ANKRD31: variants seen among roughly 807,000 people sequenced by gnomAD.
The protein encoded by ANKRD31 is ankyrin repeat domain 31.
In ANKRD31, 147 loss-of-function variants were observed where a neutral mutation model predicts 186.0. That is an observed-to-expected ratio of 0.79 (90% confidence interval 0.69 to 0.91). The LOEUF is 0.91. Among genes scored for constraint, ANKRD31 ranks in the 40% least tolerant of loss-of-function variants. The probability of loss-of-function intolerance (pLI) is 0.00; values close to 1 mark genes in which losing one functional copy is unlikely to be tolerated. For missense variants in ANKRD31, 1,986 were observed against 2,148.8 expected (o/e 0.92, Z 1.50); for synonymous variants, 673 against 736.4 (o/e 0.91, Z 1.39).
intron 17 of ANKRD31, among the ~76,000 whole-genome samples, chr5:75,130,922 C>T (rs142704706): frequency 0.033 from 5,036 of 152,324 alleles, 125 homozygotes; most frequent in Non-Finnish European, 0.051. Flanking sequence ...AGAGGGAGCT[C>T]GTCCCACACA....
intron 22 of ANKRD31, among the ~76,000 whole-genome samples, chr5:75,102,207 C>T (rs543193996): frequency 6.6e-6 from 1 of 152,330 alleles, no homozygotes; most frequent in African/African-American, 2.4e-5. Context: ...ACTCCAGATC[C>T]TGTTTGCCTG....
chr5:75,081,718 C>CAT (rs149529586), intron 24 of ANKRD31, among the ~76,000 whole-genome samples: 1 of 136,400 alleles, frequency 7.3e-6, no homozygotes, highest in Non-Finnish European at 1.6e-5. Context: ...GAGAGAGAGA[C>CAT]AGAGAGAGAG....
At chr5:75,107,663 T>A in intron 20 of ANKRD31, 46 bp from the exon 21 acceptor site, 21 of 1,044,566 alleles carry the variant, frequency 2.0e-5, no homozygotes, top group Non-Finnish European at 2.8e-5. Flanking sequence ...GGAGAGTGAA[T>A]GTCAAATTTG....
At chr5:75,200,780 C>T (rs946789801) in intron 5 of ANKRD31, among the ~76,000 whole-genome samples, 2 of 151,562 alleles carry the variant, frequency 1.3e-5, no homozygotes, top group African/African-American at 4.8e-5. Context: ...AGCATGGTGG[C>T]ACACACCTGT....
chr5:75,159,973 G>A (rs578100731), intron 11 of ANKRD31, among the ~76,000 whole-genome samples: 109 of 152,080 alleles, frequency 7.2e-4, no homozygotes, highest in African/African-American at 2.6e-3. Context: ...GAATAAAGCT[G>A]AATTGGAGTA....
At chr5:75,185,953 G>C (rs1404185198) in intron 10 of ANKRD31, among the ~76,000 whole-genome samples, 1 of 152,154 alleles carries the variant, frequency 6.6e-6, no homozygotes, top group Non-Finnish European at 1.5e-5. Context: ...TGACTCAGTA[G>C]AGAAGAATTA....
At chr5:75,070,124 A>T (rs751967307) in intron 25 of ANKRD31, among the ~76,000 whole-genome samples, 75 of 152,284 alleles carry the variant, frequency 4.9e-4, no homozygotes, top group Non-Finnish European at 2.9e-4. Context: ...AAAGAATTTA[A>T]ACTTTTTTAC....
At chr5:75,180,953 A>G (rs1039044693) in intron 10 of ANKRD31, among the ~76,000 whole-genome samples, 7 of 152,148 alleles carry the variant, frequency 4.6e-5, no homozygotes, top group Non-Finnish European at 1.0e-4. Context: ...GCAACCTACA[A>G]AATGGGAGAA....
At position 75,084,354 on chromosome 5, in the gene ANKRD31, C is replaced by T; in HGVS notation, c.5493G>A (p.Glu1831=). The T allele has an allele frequency of 6.5e-7, 1 of 1,537,004 alleles. No individual in the cohort carries two copies. Among genetic ancestry groups the T allele is most frequent in the Non-Finnish European group, 8.7e-7 (1 of 1,146,810 alleles). ...AWSKVTYLGK[E]LLRYVSEDAP... ...CATCCTCAGAAACATACCTTAAAAG[C>T]TCCTTCCCAAGATACGTTACCTGCA... The change falls in exon 24 of 26, where the codon GAG becomes GAA. Residue 1831 remains glutamate, a synonymous_variant. Coordinates refer to ENST00000506364, the MANE Select transcript of ANKRD31 (RefSeq NM_001372053.1).
At chr5:75,170,664 C>T (rs536359636) in intron 10 of ANKRD31, among the ~76,000 whole-genome samples, 20 of 152,172 alleles carry the variant, frequency 1.3e-4, no homozygotes, top group African/African-American at 4.6e-4. Context: ...CCACTCCCTT[C>T]CTCCTCCCAT....
At chr5:75,191,187 G>A (rs999834489) in intron 9 of ANKRD31, among the ~76,000 whole-genome samples, 1 of 152,102 alleles carries the variant, frequency 6.6e-6, no homozygotes, top group Admixed American at 6.6e-5. Context: ...TAAAGTTAGT[G>A]TAAGGAATGT....
chr5:75,190,741 T>G (rs890175885), intron 9 of ANKRD31, among the ~76,000 whole-genome samples: 2 of 152,120 alleles, frequency 1.3e-5, no homozygotes, highest in Non-Finnish European at 1.5e-5. Flanking sequence ...TTATCTGACA[T>G]GTAAAAAGGG....
intron 22 of ANKRD31, among the ~76,000 whole-genome samples, chr5:75,103,414 G>A (rs1252157165): frequency 2.0e-5 from 3 of 152,178 alleles, no homozygotes; most frequent in African/African-American, 4.8e-5. Context: ...ATGTAAATTA[G>A]TTCAACCATT....
At chr5:75,097,734 T>C (rs1746450161) in intron 22 of ANKRD31, among the ~76,000 whole-genome samples, 2 of 152,252 alleles carry the variant, frequency 1.3e-5, no homozygotes, top group African/African-American at 2.4e-5. Flanking sequence ...TCCTTGCCCA[T>C]GCCTATGTCC....
intron 17 of ANKRD31, among the ~76,000 whole-genome samples, chr5:75,134,402 A>T (rs1464030834): frequency 2.0e-5 from 3 of 152,096 alleles, no homozygotes; most frequent in Non-Finnish European, 4.4e-5. Flanking sequence ...GCAAATAAAT[A>T]AGAAAATCTA....
At chr5:75,143,181 T>G (rs544464007) in intron 15 of ANKRD31, among the ~76,000 whole-genome samples, 1 of 152,274 alleles carries the variant, frequency 6.6e-6, no homozygotes, top group East Asian at 1.9e-4. Context: ...CAAATCTCCC[T>G]GTGTTTGTCT....
At chr5:75,176,096 T>C (rs1304756670) in intron 10 of ANKRD31, among the ~76,000 whole-genome samples, 1 of 152,164 alleles carries the variant, frequency 6.6e-6, no homozygotes, top group African/African-American at 2.4e-5. Context: ...ATCCCGCACA[T>C]GGCTCAGAGG....
At chr5:75,132,151 T>A (rs61185420) in intron 17 of ANKRD31, among the ~76,000 whole-genome samples, 1 of 152,186 alleles carries the variant, frequency 6.6e-6, no homozygotes, top group Admixed American at 6.5e-5. Context: ...GGAGCAAAGA[T>A]GGACAGAGAA....
At chr5:75,130,581 T>C (rs1463421904) in intron 17 of ANKRD31, among the ~76,000 whole-genome samples, 1 of 152,216 alleles carries the variant, frequency 6.6e-6, no homozygotes, top group Non-Finnish European at 1.5e-5. Flanking sequence ...CGCTGATTGG[T>C]GCATTTACAA....
Sources: allele counts gnomAD v4.1 joint callset (sites outside exome capture counted in the v4.1 genomes callset), GRCh38; gene constraint gnomAD v4.1.1; transcripts MANE v1.5; gene names NCBI Gene and HGNC (gene_info 2026-07-23, HGNC 2026-07-21).